The following TMEM163 variants were observed in gnomAD, a reference collection of about 807,000 sequenced individuals.
TMEM163 encodes the protein transmembrane protein 163.
Under a neutral mutation model 29.3 loss-of-function variants are expected in TMEM163, and 17 were observed. The ratio of observed to expected loss-of-function variants is 0.58; its 90% CI spans 0.40 to 0.87. TMEM163 has a LOEUF of 0.87. TMEM163 is among the 40% of genes least tolerant of loss of function. The pLI, the probability that TMEM163 is intolerant of heterozygous loss-of-function variation, is 0.00. For missense variants in TMEM163, 303 were observed against 381.5 expected, an observed-to-expected ratio of 0.79 and a Z score of 1.71; for synonymous variants, 157 against 160.6, an observed-to-expected ratio of 0.98 and a Z score of 0.17.
intron 4 of TMEM163, among the ~76,000 whole-genome samples, chr2:134,516,403 G>C (rs897663733): frequency 5.3e-5 from 8 of 151,614 alleles, no homozygotes; most frequent in African/African-American, 1.9e-4. Flanking sequence ...TCTACTAAAA[G>C]TACAAAGATT....
chr2:134,510,758 G>A (rs960143889), intron 4 of TMEM163, among the ~76,000 whole-genome samples: 17 of 152,158 alleles, frequency 1.1e-4, no homozygotes, highest in Admixed American at 9.2e-4. Context: ...AGGAAGGTCT[G>A]GACAGTGAGA....
intron 2 of TMEM163, among the ~76,000 whole-genome samples, chr2:134,612,734 A>G (rs903883563): frequency 1.1e-4 from 16 of 152,198 alleles, no homozygotes; most frequent in African/African-American, 3.9e-4. Flanking sequence ...AAAGTTATTT[A>G]AAAAAAGAAC....
intron 2 of TMEM163, among the ~76,000 whole-genome samples, chr2:134,663,988 A>G (rs16830888): frequency 0.1 from 15,839 of 152,250 alleles, 988 homozygotes; most frequent in South Asian, 0.17. Context: ...AGGCTTGTCT[A>G]AAGGACCCAA....
At chr2:134,476,807 G>C (rs1191123543) in intron 5 of TMEM163, among the ~76,000 whole-genome samples, 2 of 152,064 alleles carry the variant, frequency 1.3e-5, no homozygotes, top group Admixed American at 1.3e-4. Context: ...AGCTTTTCCT[G>C]ACAGCCCATC....
At chr2:134,478,715 G>A (rs889479242) in intron 5 of TMEM163, among the ~76,000 whole-genome samples, 4 of 152,180 alleles carry the variant, frequency 2.6e-5, no homozygotes, top group African/African-American at 9.7e-5. Flanking sequence ...TGGTAGGGAA[G>A]GAATCCAAGC....
At chr2:134,709,177 C>CT (rs915580948) in intron 2 of TMEM163, among the ~76,000 whole-genome samples, 6 of 152,018 alleles carry the variant, frequency 3.9e-5, no homozygotes, top group African/African-American at 9.7e-5. Context: ...TTAAAACAGA[C>CT]TTTTTTTTCC....
intron 2 of TMEM163, among the ~76,000 whole-genome samples, chr2:134,616,471 T>G (rs900086702): frequency 6.6e-6 from 1 of 152,308 alleles, no homozygotes; most frequent in African/African-American, 2.4e-5. Context: ...TTTGCATCAG[T>G]AAATAATGTA....
At chr2:134,572,964 T>C (rs993565630) in intron 2 of TMEM163, among the ~76,000 whole-genome samples, 3 of 152,228 alleles carry the variant, frequency 2.0e-5, no homozygotes, top group African/African-American at 7.2e-5. Flanking sequence ...CTGTTGAATC[T>C]GGAAAGAATC....
chr2:134,516,924 G>A (rs1277631764), intron 4 of TMEM163, among the ~76,000 whole-genome samples: 1 of 151,872 alleles, frequency 6.6e-6, no homozygotes, highest in Non-Finnish European at 1.5e-5. Context: ...AGAGAACAGA[G>A]GCAAACGTGA....
chr2:134,712,463 C>CAA (rs879703528), intron 2 of TMEM163, among the ~76,000 whole-genome samples: 2 of 141,912 alleles, frequency 1.4e-5, no homozygotes, highest in Non-Finnish European at 1.5e-5. Flanking sequence ...TCCCCCGCAT[C>CAA]AAAAAAAAAA....
intron 4 of TMEM163, among the ~76,000 whole-genome samples, chr2:134,538,378 G>T (rs138944756): frequency 6.6e-6 from 1 of 152,178 alleles, no homozygotes; most frequent in Non-Finnish European, 1.5e-5. Context: ...AACGTCTGTT[G>T]TTTATAAGCC....
chr2:134,699,711 A>G (rs539844741), intron 2 of TMEM163, among the ~76,000 whole-genome samples: 1 of 152,282 alleles, frequency 6.6e-6, no homozygotes. Flanking sequence ...AAAGAGGTGC[A>G]TTAAAGTCTA....
intron 2 of TMEM163, among the ~76,000 whole-genome samples, chr2:134,614,592 G>A (rs1302765413): frequency 6.6e-6 from 1 of 152,108 alleles, no homozygotes; most frequent in Non-Finnish European, 1.5e-5. Context: ...AGTGGCTCAC[G>A]CCCATAATCC....
intron 5 of TMEM163, among the ~76,000 whole-genome samples, chr2:134,493,325 T>C (rs1458637100): frequency 2.0e-5 from 3 of 150,952 alleles, no homozygotes; most frequent in African/African-American, 7.3e-5. Flanking sequence ...GAAGTCCAAT[T>C]TTCAATTTTT....
At chr2:134,627,658 A>G (rs1294513244) in intron 2 of TMEM163, among the ~76,000 whole-genome samples, 2 of 152,194 alleles carry the variant, frequency 1.3e-5, no homozygotes, top group Non-Finnish European at 2.9e-5. Flanking sequence ...GGGAAAGAAA[A>G]AAAGATGTAT....
chr2:134,649,790 T>G (rs6742638), intron 2 of TMEM163, among the ~76,000 whole-genome samples: 75,430 of 151,430 alleles, frequency 0.5, 19,514 homozygotes, highest in Non-Finnish European at 0.56. Flanking sequence ...GAAGCGGGTG[T>G]ACTGCTTGAT....
rs114786911 is a variant in TMEM163, at chr2:134,525,696, C to T, written c.459-22699G>A. Among the ~76,000 whole-genome samples the T allele has an allele frequency of 2.3e-3, 346 of 152,332 alleles. 2 individuals are homozygous for T. Among genetic ancestry groups the T allele is most frequent in the Middle Eastern group, 6.8e-3 (2 of 294 alleles). On this transcript the variant is annotated intron_variant, in intron 4 of 7. Transcript: ENST00000281924. ...AAGTTTGTGTTTAGGGAAGAACCCACTAAAAACAGAATCTGCCTCCTTCCC... is the reference window on the plus strand; with the variant it reads ...AAGTTTGTGTTTAGGGAAGAACCCATTAAAAACAGAATCTGCCTCCTTCCC...
chr2:134,459,576 C>T (rs1184611097), intron 6 of TMEM163, among the ~76,000 whole-genome samples: 1 of 146,844 alleles, frequency 6.8e-6, no homozygotes, highest in Non-Finnish European at 1.5e-5. Flanking sequence ...TGCTACTGGC[C>T]TTCACAAAAC....
intron 2 of TMEM163, among the ~76,000 whole-genome samples, chr2:134,580,341 G>C (rs1374886952): frequency 1.3e-5 from 2 of 152,134 alleles, no homozygotes; most frequent in African/African-American, 4.8e-5. Context: ...TTTTAATTAG[G>C]AGGGTTACAA....
Sources: allele counts gnomAD v4.1 joint callset (sites outside exome capture counted in the v4.1 genomes callset), GRCh38; gene constraint gnomAD v4.1.1; transcripts MANE v1.5; gene names NCBI Gene and HGNC (gene_info 2026-07-23, HGNC 2026-07-21).